The following PCNX1 variants were observed in gnomAD, a reference collection of about 807,000 sequenced individuals.
PCNX1 encodes pecanex-like protein 1.
A neutral mutation model predicts 242.2 loss-of-function variants in PCNX1; 78 were observed. The ratio of observed to expected loss-of-function variants is 0.32; its 90% confidence interval spans 0.27 to 0.39. The LOEUF (loss-of-function observed/expected upper bound fraction) is 0.39. PCNX1 is among the 10% of genes least tolerant of loss of function. The pLI, the probability that PCNX1 is intolerant of heterozygous loss-of-function variation, is 1.00. For synonymous variants in PCNX1, 1,024 were observed against 1,032.9 expected, an observed-to-expected ratio of 0.99 and a Z score of 0.17; for missense variants, 2,581 against 2,856.5, an observed-to-expected ratio of 0.90 and a Z score of 2.20.
chr14:71,046,336 T>G (rs751389421), intron 20 of PCNX1, among the ~76,000 whole-genome samples: 1 of 152,092 alleles, frequency 6.6e-6, no homozygotes, highest in African/African-American at 2.4e-5. Flanking sequence ...TTTTTAAATC[T>G]TAGAACATGT....
chr14:70,962,359 C>A (rs767172528), intron 3 of PCNX1, 28 bp downstream of exon 3: 3 of 1,250,184 alleles, frequency 2.4e-6, no homozygotes, highest in Non-Finnish European at 2.4e-6. Context: ...TTTATTTTGC[C>A]TTTTTCCCTC....
At chr14:71,105,118 G>T in intron 32 of PCNX1, 117 bp from the exon 33 acceptor site, 1 of 735,066 alleles carries the variant, frequency 1.4e-6, no homozygotes, top group African/African-American at 1.8e-5. Flanking sequence ...GCACCATAAA[G>T]ACTTTAAAAG....
intron 1 of PCNX1, among the ~76,000 whole-genome samples, chr14:70,930,188 G>A (rs2056741781): frequency 6.6e-6 from 1 of 152,084 alleles, no homozygotes; most frequent in Admixed American, 6.6e-5. Flanking sequence ...AGGCTGGAGT[G>A]CAGTGGCTGC....
chr14:71,011,681 A>G, intron 10 of PCNX1, 132 bp downstream of exon 10: 1 of 620,166 alleles, frequency 1.6e-6, no homozygotes, highest in Non-Finnish European at 2.9e-6. Context: ...CTATGGCAAA[A>G]TCACTTTGCT....
chr14:70,976,143 T>A (rs1009891195), intron 5 of PCNX1, among the ~76,000 whole-genome samples: 4 of 152,172 alleles, frequency 2.6e-5, no homozygotes, highest in Non-Finnish European at 4.4e-5. Flanking sequence ...GGTAGAATAA[T>A]GATAGCCATC....
chr14:71,037,226 A>G (rs1157942820), intron 19 of PCNX1, among the ~76,000 whole-genome samples: 1 of 146,288 alleles, frequency 6.8e-6, no homozygotes, highest in African/African-American at 2.5e-5. Context: ...CAATCATGTC[A>G]TCTGCAAACA....
At chr14:71,006,769 T>G (rs940833966) in intron 8 of PCNX1, among the ~76,000 whole-genome samples, 2 of 152,208 alleles carry the variant, frequency 1.3e-5, no homozygotes, top group Non-Finnish European at 2.9e-5. Flanking sequence ...TAAGCTGCCT[T>G]CAGTAGGATA....
chr14:71,047,446 A>G (rs2286313), intron 21 of PCNX1, among the ~76,000 whole-genome samples: 6,431 of 152,242 alleles, frequency 0.042, 269 homozygotes, highest in East Asian at 0.25. Flanking sequence ...AGCCTGCCCA[A>G]TAGAGTAGGT....
chr14:70,968,992 G>C (rs2058461995), intron 4 of PCNX1, 29 bp from the exon 5 acceptor site: 1 of 1,258,720 alleles, frequency 7.9e-7, no homozygotes, highest in East Asian at 2.3e-5. Context: ...TTAATATAAG[G>C]TCCTCACATG....
intron 6 of PCNX1, 118 bp from the exon 7 acceptor site, chr14:70,988,449 T>A: frequency 2.1e-6 from 2 of 944,190 alleles, no homozygotes; most frequent in Non-Finnish European, 3.2e-6. Context: ...GTGAAAACAG[T>A]TTGGATTAAT....
At chr14:70,928,771 A>C (rs1315880340) in intron 1 of PCNX1, among the ~76,000 whole-genome samples, 2 of 152,194 alleles carry the variant, frequency 1.3e-5, no homozygotes, top group East Asian at 3.8e-4. Context: ...TACCATCCGG[A>C]TAATACTGGG....
rs2061310679 is a variant in PCNX1 at position 71,060,902 on chromosome 14, T to C, written c.4852+3178T>C. Among the ~76,000 whole-genome samples, 3 of 152,224 alleles carry C rather than the reference T, an allele frequency of 2.0e-5. No homozygotes were observed. The South Asian group carries it at 6.2e-4, about 31-fold the overall frequency. On this transcript the variant is annotated intron_variant, in intron 26 of 35. Coordinates refer to ENST00000304743, the MANE Select transcript of PCNX1 (RefSeq NM_014982.3). The stretch of plus-strand genomic sequence containing the variant: ...TTGAACACAACTACAGTGTTGAATT[T>C]TCTGCTAGCTCTGTGTGATTTTATT...
At chr14:70,948,626 CAT>C (rs1200201192) in intron 2 of PCNX1, among the ~76,000 whole-genome samples, 13 of 148,392 alleles carry the variant, frequency 8.8e-5, no homozygotes, top group African/African-American at 3.2e-4. Flanking sequence ...TATATATACA[CAT>C]ATATAGTTGT....
At chr14:71,095,773 A>T (rs538742101) in intron 30 of PCNX1, among the ~76,000 whole-genome samples, 1 of 152,328 alleles carries the variant, frequency 6.6e-6, no homozygotes, top group African/African-American at 2.4e-5. Context: ...AACTTTACAT[A>T]TTTATTCAAC....
intron 6 of PCNX1, among the ~76,000 whole-genome samples, chr14:70,984,937 T>C (rs2140207388): frequency 6.6e-6 from 1 of 152,340 alleles, no homozygotes; most frequent in Non-Finnish European, 1.5e-5. Flanking sequence ...TAATTCATTT[T>C]AGAATGTGTA....
intron 1 of PCNX1, among the ~76,000 whole-genome samples, chr14:70,938,612 C>T (rs893965625): frequency 1.3e-5 from 2 of 152,002 alleles, no homozygotes; most frequent in Admixed American, 6.6e-5. Flanking sequence ...TGTCTCTGTC[C>T]GACTTTGGTA....
At chr14:71,038,726 A>G (rs1227080847) in intron 19 of PCNX1, among the ~76,000 whole-genome samples, 3 of 152,088 alleles carry the variant, frequency 2.0e-5, no homozygotes, top group African/African-American at 7.2e-5. Flanking sequence ...TACTGGGTAT[A>G]TACCCAAAGG....
chr14:71,074,244 CCACTGCTTTG>C (rs1197466131), intron 27 of PCNX1, among the ~76,000 whole-genome samples: 1 of 152,198 alleles, frequency 6.6e-6, no homozygotes, highest in African/African-American at 2.4e-5. Context: ...TTGCCCTTGA[CCACTGCTTTG>C]CACTGCTTTC....
In PCNX1 at chr14:71,073,534, C is replaced by G; in HGVS notation, c.4853-11C>G. On this transcript the variant is annotated splice_polypyrimidine_tract_variant and intron_variant, in intron 26 of 35. Coordinates refer to ENST00000304743, the MANE Select transcript of PCNX1 (RefSeq NM_014982.3). ...TTTCCCCCTTTGTAAAGCTCTCTCTCTCTCTCTAAGGTACCTACTGTCAAC... is the reference window on the plus strand; with the variant it reads ...TTTCCCCCTTTGTAAAGCTCTCTCTGTCTCTCTAAGGTACCTACTGTCAAC... 6.3e-7 allele frequency: 1 copy of G among 1,591,912 alleles called. No individual in the cohort carries two copies. Among genetic ancestry groups the G allele is most frequent in the South Asian group, 1.1e-5 (1 of 87,592 alleles).
Sources: gnomAD v4.1 joint callset for allele counts (sites outside exome capture counted in the v4.1 genomes callset) on GRCh38, gnomAD v4.1.1 for gene constraint, MANE v1.5 for transcripts, NCBI Gene and HGNC (gene_info 2026-07-23, HGNC 2026-07-21) for gene names.